Variants in SCMH1 observed in about 807,000 individuals in gnomAD.
SCMH1 encodes polycomb protein SCMH1.
A neutral mutation model predicts 70.8 loss-of-function variants in SCMH1; 37 were observed. That is an observed-to-expected ratio of 0.52 (90% CI 0.40 to 0.69). The LOEUF (loss-of-function observed/expected upper bound fraction) is 0.69. Ranked by LOEUF, SCMH1 falls within the 30% of genes least tolerant of loss-of-function variation. The pLI is 0.00. For missense variants in SCMH1, 607 were observed against 827.3 expected, an observed-to-expected ratio of 0.73 and a Z score of 3.27; for synonymous variants, 292 against 307.4, an observed-to-expected ratio of 0.95 and a Z score of 0.52.
At chr1:41,141,583 C>A (rs962066721) in intron 6 of SCMH1, among the ~76,000 whole-genome samples, 4 of 152,076 alleles carry the variant, frequency 2.6e-5, no homozygotes, top group African/African-American at 9.7e-5. Context: ...ATTTAGCTAC[C>A]AATTTTAGGA....
intron 8 of SCMH1, among the ~76,000 whole-genome samples, chr1:41,081,374 G>GT (rs1244255148): frequency 1.3e-5 from 2 of 152,206 alleles, no homozygotes; most frequent in Non-Finnish European, 2.9e-5. Context: ...AATGTGTGGT[G>GT]TATGTATGCA....
chr1:41,194,603 T>C (rs1652542107), intron 1 of SCMH1, among the ~76,000 whole-genome samples: 1 of 152,218 alleles, frequency 6.6e-6, no homozygotes, highest in Non-Finnish European at 1.5e-5. Flanking sequence ...CTGTTAAAAA[T>C]GGAGCAGACT....
chr1:41,151,549 ATTGT>A, intron 5 of SCMH1, 61 bp downstream of exon 5: 1 of 1,319,970 alleles, frequency 7.6e-7, no homozygotes, highest in Non-Finnish European at 1.1e-6. Flanking sequence ...TCCTGTTTTG[ATTGT>A]CTAAAAACCA....
At chr1:41,149,500 C>T (rs1383487362) in intron 5 of SCMH1, among the ~76,000 whole-genome samples, 1 of 152,140 alleles carries the variant, frequency 6.6e-6, no homozygotes, top group African/African-American at 2.4e-5. Context: ...TTATTGGTTG[C>T]ATTTTCCTGC....
chr1:41,092,612 CA>C (rs1436579393), intron 8 of SCMH1, among the ~76,000 whole-genome samples: 2 of 152,132 alleles, frequency 1.3e-5, no homozygotes, highest in African/African-American at 4.8e-5. Context: ...AAAATTTTTG[CA>C]ATCTACCCAT....
intron 2 of SCMH1, among the ~76,000 whole-genome samples, chr1:41,176,453 A>T (rs1261008864): frequency 1.3e-5 from 2 of 152,248 alleles, no homozygotes; most frequent in African/African-American, 2.4e-5. Flanking sequence ...AGGGCGAGGC[A>T]TCGCCTCACC....
At chr1:41,090,203 A>G (rs1662997928) in intron 8 of SCMH1, among the ~76,000 whole-genome samples, 3 of 152,330 alleles carry the variant, frequency 2.0e-5, no homozygotes, top group Non-Finnish European at 4.4e-5. Flanking sequence ...ATCTATCAAC[A>G]TTTATCATAT....
At chr1:41,179,983 G>A (rs935821695) in intron 2 of SCMH1, among the ~76,000 whole-genome samples, 19 of 152,222 alleles carry the variant, frequency 1.2e-4, no homozygotes, top group African/African-American at 3.6e-4. Flanking sequence ...CTGGCAAACC[G>A]AATCCAGCAG....
Position 41,033,996 on chromosome 1 carries a change from T to C in SCMH1, c.1678+3366A>G, listed in dbSNP as rs150131558. On this transcript the variant is annotated intron_variant, in intron 13 of 14. Transcript: ENST00000337495. ...CTCCCCTCATACCTGGGGAACGATT[T>C]AGTTTCCAAAATGATTCCATATCCC... 1.1e-5 allele frequency: 17 copies of C among 1,613,950 alleles called. No individual in the cohort carries two copies. The African/African-American group carries it at 1.7e-4, about 16-fold the overall frequency.
At chr1:41,109,748 CA>C (rs1668816642) in intron 8 of SCMH1, among the ~76,000 whole-genome samples, 1 of 152,146 alleles carries the variant, frequency 6.6e-6, no homozygotes, top group African/African-American at 2.4e-5. Flanking sequence ...AAACAGTCAG[CA>C]AACTTCTCTG....
intron 2 of SCMH1, among the ~76,000 whole-genome samples, chr1:41,174,777 T>C (rs984082745): frequency 6.6e-6 from 1 of 152,232 alleles, no homozygotes; most frequent in Admixed American, 6.5e-5. Context: ...TTTCTTATCA[T>C]GTAACAAAAG....
intron 8 of SCMH1, among the ~76,000 whole-genome samples, chr1:41,108,360 C>T (rs1307394787): frequency 6.6e-6 from 1 of 152,202 alleles, no homozygotes; most frequent in African/African-American, 2.4e-5. Context: ...CTGAAACTGG[C>T]TTTCCCAGCC....
intron 1 of SCMH1, among the ~76,000 whole-genome samples, chr1:41,207,577 C>T (rs543467419): frequency 4.3e-4 from 65 of 152,276 alleles, no homozygotes; most frequent in African/African-American, 1.5e-3. Context: ...CTTAGACTCC[C>T]ATACAATAAT....
chr1:41,112,342 T>C (rs574245479), intron 8 of SCMH1, among the ~76,000 whole-genome samples: 1 of 152,288 alleles, frequency 6.6e-6, no homozygotes, highest in South Asian at 2.1e-4. Flanking sequence ...GAAGGGTGAC[T>C]TTTCATTCCC....
intron 6 of SCMH1, 48 bp downstream of exon 6, chr1:41,142,830 G>A (rs757617731): frequency 3.3e-6 from 5 of 1,494,792 alleles, no homozygotes; most frequent in Middle Eastern, 1.7e-4. Context: ...GTTTTTGGAC[G>A]CTAACTATTA....
intron 2 of SCMH1, among the ~76,000 whole-genome samples, chr1:41,177,928 C>G (rs950531022): frequency 8.5e-5 from 13 of 152,100 alleles, no homozygotes; most frequent in Non-Finnish European, 1.6e-4. Context: ...CTCCAAGACA[C>G]ATAATTGTCA....
chr1:41,086,373 A>G (rs1661677943), intron 8 of SCMH1, among the ~76,000 whole-genome samples: 1 of 152,188 alleles, frequency 6.6e-6, no homozygotes, highest in African/African-American at 2.4e-5. Flanking sequence ...TTAACAGGAA[A>G]TATGAAAAAT....
chr1:41,152,794 G>A, intron 4 of SCMH1: 1 of 1,491,460 alleles, frequency 6.7e-7, no homozygotes, highest in African/African-American at 1.4e-5. Flanking sequence ...CTCCAAAGAT[G>A]ATGCCAAGAC....
At chr1:41,064,473 C>G (rs968069238) in intron 10 of SCMH1, among the ~76,000 whole-genome samples, 1 of 152,160 alleles carries the variant, frequency 6.6e-6, no homozygotes, top group Admixed American at 6.5e-5. Context: ...GTGACATGAT[C>G]GTCTATGCAG....
Sources: gnomAD v4.1 joint callset for allele counts (sites outside exome capture counted in the v4.1 genomes callset) on GRCh38, gnomAD v4.1.1 for gene constraint, MANE v1.5 for transcripts, NCBI Gene and HGNC (gene_info 2026-07-23, HGNC 2026-07-21) for gene names.